Variants in TMEM39B observed in about 807,000 individuals in gnomAD.
The protein encoded by TMEM39B is transmembrane protein 39B.
TMEM39B carries 23 observed loss-of-function variants against 52.2 expected under a neutral mutation model. That is an observed-to-expected ratio of 0.44 (90% CI 0.32 to 0.62). The LOEUF (loss-of-function observed/expected upper bound fraction) is 0.62. Ranked by LOEUF, TMEM39B falls within the 20% of genes least tolerant of loss-of-function variation. The probability of loss-of-function intolerance (pLI) is 0.06; values close to 1 mark genes in which losing one functional copy is unlikely to be tolerated. For missense variants in TMEM39B, 547 were observed against 642.0 expected (o/e 0.85, Z 1.60); for synonymous variants, 285 against 264.0 (o/e 1.08, Z -0.77).
intron 5 of TMEM39B, among the ~76,000 whole-genome samples, chr1:32,090,092 C>G (rs1640541156): frequency 6.6e-6 from 1 of 151,822 alleles, no homozygotes; most frequent in Non-Finnish European, 1.5e-5. Context: ...GCCCAGGAAC[C>G]CTTGTGGGGG....
intron 5 of TMEM39B, among the ~76,000 whole-genome samples, chr1:32,082,900 G>A (rs1296496248): frequency 6.6e-6 from 1 of 151,328 alleles, no homozygotes; most frequent in Admixed American, 6.6e-5. Context: ...TCAGCCTCCC[G>A]AGTAGCTGGG....
chr1:32,074,655 G>A (rs970887669), intron 1 of TMEM39B, among the ~76,000 whole-genome samples: 1 of 152,146 alleles, frequency 6.6e-6, no homozygotes, highest in Non-Finnish European at 1.5e-5. Flanking sequence ...AGAAATGGCA[G>A]TCCGGGAAAG....
intron 1 of TMEM39B, 135 bp from the exon 2 acceptor site, chr1:32,074,816 A>G: frequency 8.8e-7 from 1 of 1,134,852 alleles, no homozygotes. Context: ...AGATGTAAGA[A>G]GGGGCCAGAT....
At chr1:32,084,246 C>T (rs530159696) in intron 5 of TMEM39B, among the ~76,000 whole-genome samples, 1 of 152,194 alleles carries the variant, frequency 6.6e-6, no homozygotes, top group Non-Finnish European at 1.5e-5. Context: ...TGCCTGGAGT[C>T]CATTTCCTTC....
Position 32,091,842 on chromosome 1 carries a change from T to C in TMEM39B, c.758T>C (p.Leu253Pro). The change falls in exon 6 of 9, where the codon CTG becomes CCG. Residue 253 changes from leucine to proline, a missense_variant. Leu to Pro is a moderately conservative substitution (Grantham distance 98). Transcript: ENST00000336294. ...ACGTGGAAGCAGCACACAAGACAGC[T>C]GTATGGCCCGGACGCCATGCCCACC... ...RETWKQHTRQ[L>P]YGPDAMPTHA... The C allele has an allele frequency of 6.2e-7, 1 of 1,614,218 alleles. No homozygotes were observed. The highest frequency in any genetic ancestry group is 8.5e-7 in the Non-Finnish European group (1 of 1,180,036).
At position 32,072,971 on chromosome 1, in the gene TMEM39B, T is replaced by C; in HGVS notation, c.-77T>C. ...GGGACTGGGCTGCGGCGGTTAGTCC[T>C]CTCCCGGCCGCCGTCGCCTCCGACA... On this transcript the variant is annotated 5_prime_UTR_variant, in exon 1 of 9. Transcript: ENST00000336294. 6.6e-7 allele frequency: 1 copy of C among 1,522,080 alleles called. No individual in the cohort carries two copies. The highest frequency in any genetic ancestry group is 2.6e-5 in the East Asian group (1 of 38,060). 94.3% of individuals were successfully genotyped at this position (1,522,080 alleles called of 1,614,324 possible).
At chr1:32,074,908 A>G in intron 1 of TMEM39B, 43 bp from the exon 2 acceptor site, 5 of 1,527,740 alleles carry the variant, frequency 3.3e-6, no homozygotes, top group Non-Finnish European at 4.4e-6. Flanking sequence ...TCCTTGATAT[A>G]TGCCCCCTGG....
chr1:32,088,292 C>T (rs1640457690), intron 5 of TMEM39B, among the ~76,000 whole-genome samples: 1 of 150,810 alleles, frequency 6.6e-6, no homozygotes, highest in Non-Finnish European at 1.5e-5. Context: ...TGGCGGGCGC[C>T]TGTAGTCCCA....
At chr1:32,082,127 T>TAGTC (rs112662082) in intron 5 of TMEM39B, among the ~76,000 whole-genome samples, 14,065 of 152,080 alleles carry the variant, frequency 0.092, 857 homozygotes, top group South Asian at 0.25. Flanking sequence ...CCATCAACAA[T>TAGTC]AGTATCTTGA....
chr1:32,075,051 G>A lies in TMEM39B; in HGVS notation c.105G>A (p.Ser35=), dbSNP rs371055400. The A allele has an allele frequency of 1.1e-4, 163 of 1,551,328 alleles. No individual in the cohort carries two copies. Among genetic ancestry groups the A allele is most frequent in the Admixed American group, 1.0e-3 (52 of 50,940 alleles). The change falls in exon 2 of 9, where the codon TCG becomes TCA. Residue 35 remains serine (S), a synonymous_variant. Coordinates refer to ENST00000336294, the MANE Select transcript of TMEM39B (RefSeq NM_018056.4). ...GSSGSHTSSA[S]VTSVRSRTRS... ...GTGGAAGCCACACTTCCAGTGCATC[G>A]GTGACCAGTGTTCGTTCCCGCACCA... is the stretch of plus-strand genomic sequence containing the variant.
intron 5 of TMEM39B, among the ~76,000 whole-genome samples, chr1:32,089,155 T>TA (rs1553120886): frequency 1.9e-4 from 28 of 149,182 alleles, no homozygotes; most frequent in African/African-American, 2.7e-4. Flanking sequence ...TTTTTTTTTT[T>TA]AGACAGGGTC....
chr1:32,073,221 C>T, intron 1 of TMEM39B, 170 bp downstream of exon 1: 1 of 635,028 alleles, frequency 1.6e-6, no homozygotes, highest in South Asian at 3.5e-5. Flanking sequence ...GGTGGGGCCT[C>T]TGTTGTGGGG....
chr1:32,073,912 A>G (rs920900557), intron 1 of TMEM39B: 8 of 981,028 alleles, frequency 8.2e-6, no homozygotes, highest in Middle Eastern at 1.0e-3. Context: ...ATGTATATGT[A>G]TGTATATATA....
intron 7 of TMEM39B, among the ~76,000 whole-genome samples, chr1:32,097,789 T>A (rs1255100819): frequency 1.3e-5 from 2 of 151,528 alleles, no homozygotes; most frequent in African/African-American, 4.8e-5. Flanking sequence ...GGACTACAGA[T>A]GCCCGCCACC....
intron 5 of TMEM39B, among the ~76,000 whole-genome samples, chr1:32,079,026 A>C (rs540978845): frequency 4.0e-5 from 6 of 151,648 alleles, no homozygotes; most frequent in African/African-American, 1.5e-4. Flanking sequence ...CATATAACAG[A>C]TATTTTTCTA....
Position 32,102,695 on chromosome 1 carries a change from C to A in TMEM39B, c.*22C>A. ...CTGAGCCCTGGGGTCACCTCAGGGA[C>A]AGCGTCCAGGCTTCAGCCAAGGGCT... On this transcript the variant is annotated 3_prime_UTR_variant, in exon 9 of 9. Transcript: ENST00000336294. The A allele has an allele frequency of 6.7e-7, 1 of 1,492,096 alleles. No homozygotes were observed. The highest frequency in any genetic ancestry group is 9.0e-7 in the Non-Finnish European group (1 of 1,115,558). 92.4% of individuals were successfully genotyped at this position (1,492,096 alleles called of 1,614,324 possible).
In TMEM39B at chr1:32,075,832, C is replaced by T. The variant is rs578206855; in HGVS notation, c.351+10C>T. 3 of 1,454,864 alleles carry T rather than the reference C, an allele frequency of 2.1e-6. No homozygotes were observed. Among genetic ancestry groups the T allele is most frequent in the African/African-American group, 2.8e-5 (2 of 71,418 alleles). The allele number at this position is 1,454,864 out of a possible 1,614,324, so 90.1% of individuals were successfully genotyped here. A position where few individuals can be genotyped will look rare whatever the true frequency, so the allele number is the denominator to read the frequency against. On this transcript the variant is annotated intron_variant, in intron 3 of 8. Transcript: ENST00000336294. ...CTCCCACACCTCCCTGGTAGGTACC[C>T]AACAAGGGTGTGTGTGTGTGTGTGT...
rs113300673 is a variant in TMEM39B at position 32,081,190 on chromosome 1, ATTTG to A, written c.590+3896_590+3899del. Among the ~76,000 whole-genome samples, 327 of 150,072 alleles carry A rather than the reference ATTTG, an allele frequency of 2.2e-3. 4 individuals are homozygous for A. The highest frequency in any genetic ancestry group is 0.021 in the Middle Eastern group (6 of 292). On this transcript the variant is annotated intron_variant, in intron 5 of 8. Coordinates refer to ENST00000336294, the MANE Select transcript of TMEM39B (RefSeq NM_018056.4). Reference sequence around the variant, plus strand: ...TCTCTTTTACTTTCTGGGTTTTTTTATTTGTTTGTTTGTTTGTTTGTTTGTTTAC... The same window carrying A: ...TCTCTTTTACTTTCTGGGTTTTTTTATTTGTTTGTTTGTTTGTTTGTTTAC...
intron 5 of TMEM39B, among the ~76,000 whole-genome samples, chr1:32,090,297 T>C (rs1448745710): frequency 6.6e-6 from 1 of 152,136 alleles, no homozygotes; most frequent in East Asian, 1.9e-4. Context: ...GCTCTCAGGG[T>C]GCTGCTCAGG....
Sources: gnomAD v4.1 joint callset for allele counts (sites outside exome capture counted in the v4.1 genomes callset) on GRCh38, gnomAD v4.1.1 for gene constraint, MANE v1.5 for transcripts, NCBI Gene and HGNC (gene_info 2026-07-23, HGNC 2026-07-21) for gene names.